FOXN2: variants seen among roughly 807,000 people sequenced by gnomAD.
The protein encoded by FOXN2 is forkhead box protein N2.
Under a neutral mutation model 41.2 loss-of-function variants are expected in FOXN2, and 19 were observed. The observed-to-expected ratio is 0.46, with a 90% CI of 0.32 to 0.68. FOXN2 has a LOEUF of 0.68. FOXN2 is among the 30% of genes least tolerant of loss of function. The pLI is 0.03. For synonymous variants in FOXN2, 195 were observed against 176.8 expected (o/e 1.10, Z -0.82); for missense variants, 587 against 509.4 (o/e 1.15, Z -1.47).
chr2:48,354,251 T>G (rs1305903114), intron 3 of FOXN2, among the ~76,000 whole-genome samples: 2 of 152,178 alleles, frequency 1.3e-5, no homozygotes, highest in African/African-American at 2.4e-5. Context: ...AATGATTGGC[T>G]AAGAAGAAGT....
intron 1 of FOXN2, among the ~76,000 whole-genome samples, chr2:48,316,306 A>G (rs138665610): frequency 3.3e-5 from 5 of 152,234 alleles, no homozygotes; most frequent in Non-Finnish European, 7.4e-5. Flanking sequence ...TCATAGAGTG[A>G]TGGGGAATAA....
chr2:48,326,364 G>T (rs144132240), intron 1 of FOXN2, among the ~76,000 whole-genome samples: 4 of 151,208 alleles, frequency 2.6e-5, no homozygotes, highest in African/African-American at 9.7e-5. Flanking sequence ...GCTAAAATAC[G>T]CAGGGTCTTG....
At chr2:48,344,839 T>TCCC (rs1670992914) in intron 2 of FOXN2, among the ~76,000 whole-genome samples, 4 of 71,162 alleles carry the variant, frequency 5.6e-5, no homozygotes, top group African/African-American at 1.5e-4. Flanking sequence ...ACTCTGGAGG[T>TCCC]ACCCCCCCCC....
intron 5 of FOXN2, among the ~76,000 whole-genome samples, chr2:48,368,521 A>G (rs1051098103): frequency 1.3e-5 from 2 of 152,096 alleles, no homozygotes; most frequent in African/African-American, 4.8e-5. Context: ...GTGAAACCCC[A>G]TCTCTACCAA....
Position 48,346,182 on chromosome 2 carries a change from A to G in FOXN2, c.-14-19A>G. On this transcript the variant is annotated intron_variant, in intron 2 of 6. Transcript: ENST00000340553. ...AAGAATCTAAAGTATTACATTGATAATTGTTTCCTTTGTTGCAGAACTGTA... is the reference window on the plus strand; with the variant it reads ...AAGAATCTAAAGTATTACATTGATAGTTGTTTCCTTTGTTGCAGAACTGTA... 6.5e-7 allele frequency: 1 copy of G among 1,543,702 alleles called. No individual in the cohort carries two copies. Among genetic ancestry groups the G allele is most frequent in the Non-Finnish European group, 8.7e-7 (1 of 1,146,480 alleles).
chr2:48,332,060 A>T (rs983473517), intron 2 of FOXN2, among the ~76,000 whole-genome samples: 2 of 152,218 alleles, frequency 1.3e-5, no homozygotes, highest in Non-Finnish European at 2.9e-5. Context: ...ATTCTGAAAC[A>T]GAATAGTACA....
intron 2 of FOXN2, among the ~76,000 whole-genome samples, chr2:48,337,327 T>C (rs1477287801): frequency 5.3e-5 from 8 of 151,246 alleles, no homozygotes; most frequent in African/African-American, 2.0e-4. Context: ...CGGAGTTGTC[T>C]CCCTTTGTTG....
At chr2:48,340,247 C>T (rs1209243502) in intron 2 of FOXN2, among the ~76,000 whole-genome samples, 1 of 152,162 alleles carries the variant, frequency 6.6e-6, no homozygotes, top group African/African-American at 2.4e-5. Flanking sequence ...CTCTGTAATG[C>T]AGCATATTAT....
chr2:48,318,846 A>C (rs1275084869), intron 1 of FOXN2, among the ~76,000 whole-genome samples: 1 of 152,236 alleles, frequency 6.6e-6, no homozygotes, highest in Non-Finnish European at 1.5e-5. Flanking sequence ...GTTTATAAAC[A>C]TAAAATTACT....
intron 1 of FOXN2, among the ~76,000 whole-genome samples, chr2:48,325,883 C>T (rs1669638356): frequency 7.5e-6 from 1 of 133,250 alleles, no homozygotes; most frequent in Non-Finnish European, 1.6e-5. Flanking sequence ...AAGTTTTCCT[C>T]AGTCGCCCAG....
chr2:48,366,470 G>C (rs540706387), intron 5 of FOXN2, among the ~76,000 whole-genome samples: 2 of 152,144 alleles, frequency 1.3e-5, no homozygotes, highest in Admixed American at 6.5e-5. Context: ...TAACAATAGA[G>C]AGAGTTGTCT....
At chr2:48,369,752 C>T (rs1299015267) in intron 5 of FOXN2, among the ~76,000 whole-genome samples, 1 of 152,000 alleles carries the variant, frequency 6.6e-6, no homozygotes, top group African/African-American at 2.4e-5. Context: ...CGGTGGCTCA[C>T]ACCTGTAATC....
chr2:48,354,594 G>T (rs1157101747), intron 3 of FOXN2, among the ~76,000 whole-genome samples: 1 of 152,198 alleles, frequency 6.6e-6, no homozygotes, highest in Admixed American at 6.5e-5. Flanking sequence ...GCGAGACTTC[G>T]TCTCAAAAAC....
intron 5 of FOXN2, among the ~76,000 whole-genome samples, chr2:48,366,652 C>G (rs150671520): frequency 7.2e-5 from 11 of 152,226 alleles, no homozygotes; most frequent in Admixed American, 7.2e-4. Flanking sequence ...TTACTTGATG[C>G]TTTGCATGCA....
chr2:48,323,647 G>A (rs145540735), intron 1 of FOXN2, among the ~76,000 whole-genome samples: 4 of 152,182 alleles, frequency 2.6e-5, no homozygotes, highest in African/African-American at 9.6e-5. Context: ...CACATGTATA[G>A]TTTGCAAATA....
At chr2:48,342,771 C>T (rs189205744) in intron 2 of FOXN2, among the ~76,000 whole-genome samples, 102 of 152,186 alleles carry the variant, frequency 6.7e-4, no homozygotes, top group Admixed American at 2.2e-3. Flanking sequence ...AGTTTATAAA[C>T]GGCTTTTTTT....
chr2:48,335,203 G>A (rs888519201), intron 2 of FOXN2, among the ~76,000 whole-genome samples: 5 of 152,122 alleles, frequency 3.3e-5, no homozygotes, highest in South Asian at 2.1e-4. Context: ...AAACAAATAC[G>A]TTTAATATGT....
At chr2:48,334,251 A>G (rs921382072) in intron 2 of FOXN2, among the ~76,000 whole-genome samples, 1 of 152,206 alleles carries the variant, frequency 6.6e-6, no homozygotes, top group Non-Finnish European at 1.5e-5. Flanking sequence ...TATTGAAATG[A>G]AAGCACAAAA....
intron 1 of FOXN2, among the ~76,000 whole-genome samples, chr2:48,315,541 T>TA (rs772909223): frequency 1.3e-5 from 2 of 152,190 alleles, no homozygotes; most frequent in Non-Finnish European, 2.9e-5. Flanking sequence ...GGGCCGTGGT[T>TA]ACCTTTGCCT....
Sources: gnomAD v4.1 joint callset for allele counts (sites outside exome capture counted in the v4.1 genomes callset) on GRCh38, gnomAD v4.1.1 for gene constraint, MANE v1.5 for transcripts, NCBI Gene and HGNC (gene_info 2026-07-23, HGNC 2026-07-21) for gene names.